TXNRD3: variants seen among roughly 807,000 people sequenced by gnomAD.
TXNRD3 encodes TXNRD3 neighbor gene protein.
A neutral mutation model predicts 78.2 loss-of-function variants in TXNRD3; 68 were observed. The observed-to-expected ratio is 0.87, with a 90% CI of 0.72 to 1.06. The LOEUF is 1.06. Ranked by LOEUF, TXNRD3 falls within the 50% of genes least tolerant of loss-of-function variation. The pLI is 0.00. For missense variants in TXNRD3, 751 were observed against 809.5 expected, an observed-to-expected ratio of 0.93 and a Z score of 0.88; for synonymous variants, 296 against 300.1, an observed-to-expected ratio of 0.99 and a Z score of 0.14.
chr3:126,643,875 C>T, intron 5 of TXNRD3, 106 bp downstream of exon 5: 6 of 1,085,594 alleles, frequency 5.5e-6, no homozygotes, highest in Non-Finnish European at 7.6e-6. Context: ...ATCCAAGAAA[C>T]AGGCGAGTTA....
At chr3:126,652,805 A>C (rs149902737) in intron 1 of TXNRD3, among the ~76,000 whole-genome samples, 130 of 152,364 alleles carry the variant, frequency 8.5e-4, no homozygotes, top group African/African-American at 3.0e-3. Context: ...AGTGGGTTGG[A>C]AAAGGAATGA....
At position 126,636,925 on chromosome 3, in the gene TXNRD3, A is replaced by ATT. The variant is rs34611548; in HGVS notation, c.713-2876_713-2875dup. Among the ~76,000 whole-genome samples the ATT allele has an allele frequency of 1.5e-3, 212 of 140,894 alleles. 1 individual carries two copies. Among genetic ancestry groups the ATT allele is most frequent in the African/African-American group, 4.5e-3 (175 of 38,766 alleles). 92.4% of individuals were successfully genotyped at this position (140,894 alleles called of 152,430 possible). The stretch of plus-strand genomic sequence containing the variant: ...CTTAAAACATGAGGTTTCTTTTGTG[A>ATT]TTTTTTTTTTTTTTTAGCTCATCAG... On this transcript the variant is annotated intron_variant, in intron 6 of 15. Transcript: ENST00000524230.
intron 12 of TXNRD3, among the ~76,000 whole-genome samples, chr3:126,618,055 G>T (rs1038417907): frequency 3.3e-5 from 5 of 152,080 alleles, no homozygotes; most frequent in Admixed American, 1.3e-4. Context: ...CAAAACACTG[G>T]TGAAAGAAAC....
intron 6 of TXNRD3, among the ~76,000 whole-genome samples, chr3:126,634,899 G>A (rs1290213960): frequency 2.0e-5 from 3 of 152,206 alleles, no homozygotes; most frequent in African/African-American, 7.2e-5. Context: ...ATGTTACCAT[G>A]CAGGAAAGGG....
chr3:126,613,476 C>G (rs1166631036), intron 13 of TXNRD3, among the ~76,000 whole-genome samples: 1 of 152,190 alleles, frequency 6.6e-6, no homozygotes, highest in Non-Finnish European at 1.5e-5. Context: ...TGAAGCTGCA[C>G]CCTTAGCTCA....
chr3:126,615,392 T>G lies in TXNRD3; in HGVS notation c.1595A>C (p.Glu532Ala). The change falls in exon 13 of 16, where the codon GAG becomes GCG. Residue 532 changes from glutamate (E) to alanine (A), a missense_variant. Coordinates refer to ENST00000524230, the MANE Select transcript of TXNRD3 (RefSeq NM_052883.3). Reference sequence around the variant, plus strand: ...TTTTTTATATACTTCAATAGCTTTCTCTTCAGATAATCCACAGCAACCATA... The same window carrying G: ...TTTTTTATATACTTCAATAGCTTTCGCTTCAGATAATCCACAGCAACCATA... 1.3e-6 allele frequency: 2 copies of G among 1,517,608 alleles called. No individual in the cohort carries two copies. The highest frequency in any genetic ancestry group is 1.8e-6 in the Non-Finnish European group (2 of 1,138,224). The allele number at this position is 1,517,608 out of a possible 1,614,324, so 94.0% of individuals were successfully genotyped here. A position where few individuals can be genotyped will look rare whatever the true frequency, so the allele number is the denominator to read the frequency against.
chr3:126,639,662 T>C (rs1933007965), intron 6 of TXNRD3, among the ~76,000 whole-genome samples: 1 of 152,108 alleles, frequency 6.6e-6, no homozygotes, highest in Admixed American at 6.5e-5. Context: ...CTTGACCTCC[T>C]TGGACTCAAG....
rs148786640 is a variant in TXNRD3 at position 126,637,840 on chromosome 3, T to C, written c.713-3789A>G. On this transcript the variant is annotated intron_variant, in intron 6 of 15. Coordinates refer to ENST00000524230, the MANE Select transcript of TXNRD3 (RefSeq NM_052883.3). ...ACCTTCTCTTTGTATATTTTCCCCT[T>C]TCTTTTTAAACTTTCACTTGAAAGC... 2.0e-3 allele frequency among the ~76,000 whole-genome samples: 299 copies of C among 151,594 alleles called. 2 individuals carry two copies. Among genetic ancestry groups the C allele is most frequent in the African/African-American group, 6.8e-3 (284 of 41,478 alleles).
chr3:126,619,724 C>G lies in TXNRD3; in HGVS notation c.1524+2018G>C, dbSNP rs138957930. On this transcript the variant is annotated intron_variant, in intron 12 of 15. Coordinates refer to ENST00000524230, the MANE Select transcript of TXNRD3 (RefSeq NM_052883.3). ...CTAAAAGAGGATATAACAGAATGTT[C>G]CCACATAAATAAATGACAAACGTTT... Among the ~76,000 whole-genome samples the G allele has an allele frequency of 7.8e-3, 1,187 of 152,244 alleles. 12 individuals are homozygous for G. Among genetic ancestry groups the G allele is most frequent in the Non-Finnish European group, 0.011 (757 of 68,022 alleles).
chr3:126,607,888 A>G lies in TXNRD3; in HGVS notation c.*17T>C. On this transcript the variant is annotated 3_prime_UTR_variant, in exon 16 of 16. Transcript: ENST00000524230. ...GAGAAATGAGAATATGACAAGGAGAACTAAACAGCAGCAGGCCTAGCCTCA... is the reference window on the plus strand; with the variant it reads ...GAGAAATGAGAATATGACAAGGAGAGCTAAACAGCAGCAGGCCTAGCCTCA... 1 of 1,500,562 alleles carries G rather than the reference A, an allele frequency of 6.7e-7. No individual in the cohort carries two copies. The highest frequency in any genetic ancestry group is 8.9e-7 in the Non-Finnish European group (1 of 1,121,222). 93.0% of individuals were successfully genotyped at this position (1,500,562 alleles called of 1,614,324 possible). A position where few individuals can be genotyped will look rare whatever the true frequency, so the allele number is the denominator to read the frequency against.
At chr3:126,641,223 T>C (rs1032707529) in intron 6 of TXNRD3, among the ~76,000 whole-genome samples, 2 of 151,998 alleles carry the variant, frequency 1.3e-5, no homozygotes, top group African/African-American at 2.4e-5. Context: ...CTTTAGGGAG[T>C]TTTTTTCTGC....
intron 13 of TXNRD3, among the ~76,000 whole-genome samples, chr3:126,614,364 A>G (rs1167023864): frequency 6.6e-6 from 1 of 152,196 alleles, no homozygotes; most frequent in East Asian, 1.9e-4. Flanking sequence ...TGTCTGGGAT[A>G]CAGGCTTGTA....
At chr3:126,609,291 C>A in intron 14 of TXNRD3, 2 of 231,516 alleles carry the variant, frequency 8.6e-6, no homozygotes, top group South Asian at 9.6e-5. Flanking sequence ...TATAAAAGGG[C>A]AACGGAGGCC....
intron 1 of TXNRD3, among the ~76,000 whole-genome samples, chr3:126,651,258 C>T (rs1933382158): frequency 6.6e-6 from 1 of 152,092 alleles, no homozygotes; most frequent in Admixed American, 6.6e-5. Context: ...AAACACTTGG[C>T]GAAAGTACGG....
rs1004155264 is a variant in TXNRD3 at position 126,631,060 on chromosome 3, G to A, written c.972-123C>T. ...AATTTAGTGCTTGAATGAAGCAACAGCCTTTTGAAATTTGTAATTGAGTCT... is the reference window on the plus strand; with the variant it reads ...AATTTAGTGCTTGAATGAAGCAACAACCTTTTGAAATTTGTAATTGAGTCT... On this transcript the variant is annotated intron_variant, in intron 8 of 15. Transcript: ENST00000524230. 6 of 996,766 alleles carry A rather than the reference G, an allele frequency of 6.0e-6. No individual in the cohort carries two copies. The East Asian group carries it at 1.6e-4, about 26-fold the overall frequency. 61.7% of individuals were successfully genotyped at this position (996,766 alleles called of 1,614,324 possible).
chr3:126,613,713 T>A (rs1015021734), intron 13 of TXNRD3, among the ~76,000 whole-genome samples: 1 of 152,238 alleles, frequency 6.6e-6, no homozygotes, highest in African/African-American at 2.4e-5. Flanking sequence ...TCACTGTTTG[T>A]GGTGATGCTG....
chr3:126,646,673 A>G (rs1200491676), intron 2 of TXNRD3, among the ~76,000 whole-genome samples: 1 of 152,202 alleles, frequency 6.6e-6, no homozygotes, highest in Non-Finnish European at 1.5e-5. Context: ...CCCTTTAGAA[A>G]AGTCTCCAAG....
chr3:126,627,890 A>C (rs1252667426), intron 10 of TXNRD3, among the ~76,000 whole-genome samples: 6 of 152,220 alleles, frequency 3.9e-5, no homozygotes, highest in Non-Finnish European at 7.3e-5. Flanking sequence ...CTTGATACTC[A>C]AACCTAAAAT....
At position 126,655,100 on chromosome 3, in the gene TXNRD3, ACT is replaced by A. The variant is rs1933486117; in HGVS notation, c.-112_-111del. The A allele has an allele frequency of 7.7e-7, 1 of 1,301,354 alleles. No homozygotes were observed. Among genetic ancestry groups the A allele is most frequent in the Non-Finnish European group, 9.8e-7 (1 of 1,024,196 alleles). The allele number at this position is 1,301,354 out of a possible 1,614,324, so 80.6% of individuals were successfully genotyped here. On this transcript the variant is annotated 5_prime_UTR_variant, in exon 1 of 16. Coordinates refer to ENST00000524230, the MANE Select transcript of TXNRD3 (RefSeq NM_052883.3). ...GCGGCGAACGCTGCCCTCGCTGGCCACTCTCACCACCCGCGCGAATCCGCGAG... is the reference window on the plus strand; with the variant it reads ...GCGGCGAACGCTGCCCTCGCTGGCCACTCACCACCCGCGCGAATCCGCGAG...
Sources: allele counts gnomAD v4.1 joint callset (sites outside exome capture counted in the v4.1 genomes callset), GRCh38; gene constraint gnomAD v4.1.1; transcripts MANE v1.5; gene names NCBI Gene and HGNC (gene_info 2026-07-23, HGNC 2026-07-21).